ARHGAP17: variants seen among roughly 807,000 people sequenced by gnomAD.
ARHGAP17 encodes Rho GTPase activating protein 17.
ARHGAP17 carries 57 observed loss-of-function variants against 99.5 expected under a neutral mutation model. That is an observed-to-expected ratio of 0.57 (90% confidence interval 0.46 to 0.71). The LOEUF (loss-of-function observed/expected upper bound fraction) is 0.71. ARHGAP17 is among the 30% of genes least tolerant of loss of function. The pLI is 0.00. For synonymous variants in ARHGAP17, 417 were observed against 429.6 expected (o/e 0.97, Z 0.36); for missense variants, 1,000 against 1,122.4 (o/e 0.89, Z 1.56).
At chr16:24,925,586 T>C (rs879728128) in intron 19 of ARHGAP17, among the ~76,000 whole-genome samples, 2 of 152,204 alleles carry the variant, frequency 1.3e-5, no homozygotes, top group Admixed American at 1.3e-4. Flanking sequence ...ATTCTGATTA[T>C]CTACTTATTA....
intron 6 of ARHGAP17, among the ~76,000 whole-genome samples, chr16:24,965,330 C>T (rs761739237): frequency 2.0e-5 from 3 of 152,094 alleles, no homozygotes; most frequent in Non-Finnish European, 4.4e-5. Flanking sequence ...ATTAGCTGGG[C>T]GTGGTGGCAG....
In ARHGAP17 at chr16:24,919,520, G is replaced by A. The variant is rs1701749197; in HGVS notation, c.*610C>T. The A allele has an allele frequency of 6.6e-6, 1 of 151,786 alleles. No homozygotes were observed. The highest frequency in any genetic ancestry group is 1.5e-5 in the Non-Finnish European group (1 of 67,932). The allele number at this position is 151,786 out of a possible 1,614,324, so 9.4% of individuals were successfully genotyped here. A position where few individuals can be genotyped will look rare whatever the true frequency, so the allele number is the denominator to read the frequency against. ...AACAGTACATTTCTGTCTACATTCC[G>A]ACAATCCAACGAGGCGGCATGGGTC... On this transcript the variant is annotated 3_prime_UTR_variant, in exon 20 of 20. Transcript: ENST00000289968.
intron 11 of ARHGAP17, 24 bp downstream of exon 11, chr16:24,952,907 T>G (rs1265085666): frequency 1.2e-6 from 2 of 1,608,236 alleles, no homozygotes; most frequent in Non-Finnish European, 1.7e-6. Flanking sequence ...GTGACTTGAT[T>G]TGCAGACACT....
chr16:24,956,062 T>G (rs1436628101), intron 9 of ARHGAP17: 1 of 152,196 alleles, frequency 6.6e-6, no homozygotes, highest in Non-Finnish European at 1.5e-5. Flanking sequence ...CCTGAAATAC[T>G]TTGTCCCTTT....
chr16:24,983,162 G>A (rs576855957), intron 1 of ARHGAP17, among the ~76,000 whole-genome samples: 8 of 150,920 alleles, frequency 5.3e-5, no homozygotes, highest in Middle Eastern at 3.4e-3. Flanking sequence ...ACACCACCAC[G>A]CTCAGCTAAT....
chr16:24,958,053 G>A (rs1394677293), intron 9 of ARHGAP17, among the ~76,000 whole-genome samples: 2 of 152,176 alleles, frequency 1.3e-5, no homozygotes, highest in African/African-American at 2.4e-5. Flanking sequence ...TCGGTAAAGG[G>A]TGACCTCAGC....
intron 6 of ARHGAP17, among the ~76,000 whole-genome samples, chr16:24,965,843 A>C (rs139907812): frequency 2.5e-4 from 38 of 152,386 alleles, no homozygotes; most frequent in African/African-American, 8.7e-4. Flanking sequence ...GTGCATGTGC[A>C]CAGCATATGA....
intron 10 of ARHGAP17, 25 bp from the exon 11 acceptor site, chr16:24,953,067 C>A: frequency 6.2e-7 from 1 of 1,609,306 alleles, no homozygotes; most frequent in Non-Finnish European, 8.5e-7. Context: ...AAGCCATCAG[C>A]ATCAAGTGCA....
chr16:24,921,458 C>CA (rs2050718582), intron 19 of ARHGAP17, among the ~76,000 whole-genome samples: 12 of 152,146 alleles, frequency 7.9e-5, no homozygotes, highest in Admixed American at 7.9e-4. Context: ...TGCTGTGGTG[C>CA]AAAATGACAT....
intron 1 of ARHGAP17, among the ~76,000 whole-genome samples, chr16:24,988,240 A>G (rs2141412844): frequency 6.6e-6 from 1 of 152,036 alleles, no homozygotes; most frequent in Middle Eastern, 3.4e-3. Flanking sequence ...AAAATAAACG[A>G]CTCTCTGAAA....
intron 19 of ARHGAP17, among the ~76,000 whole-genome samples, chr16:24,929,820 C>T (rs1199272665): frequency 3.3e-5 from 5 of 152,116 alleles, no homozygotes; most frequent in Non-Finnish European, 7.4e-5. Flanking sequence ...ATCAGTTAAC[C>T]GTCACCCTTT....
In ARHGAP17 at chr16:24,929,862, T is replaced by A. The variant is rs79061734; in HGVS notation, c.2515+922A>T. On this transcript the variant is annotated intron_variant, in intron 19 of 19. Transcript: ENST00000289968. ...ATGGAAACCTTGGCACATTTTTAGC[T>A]GCAAAGTCACTCAATATGGTTGGAA... is the stretch of plus-strand genomic sequence containing the variant. Among the ~76,000 whole-genome samples the A allele has an allele frequency of 9.3e-4, 142 of 152,334 alleles. No homozygotes were observed. In the East Asian group the frequency reaches 0.023, roughly 25 times the overall value.
intron 19 of ARHGAP17, among the ~76,000 whole-genome samples, chr16:24,926,798 A>C (rs185749243): frequency 1.6e-4 from 25 of 152,312 alleles, no homozygotes; most frequent in Non-Finnish European, 2.4e-4. Context: ...CCCATGAAAG[A>C]AGTGAGATTC....
At chr16:24,932,436 C>T (rs897216181) in intron 18 of ARHGAP17, among the ~76,000 whole-genome samples, 2 of 152,032 alleles carry the variant, frequency 1.3e-5, no homozygotes, top group African/African-American at 4.8e-5. Context: ...TTAGCAGCCT[C>T]CTCATTAGGG....
Position 24,920,209 on chromosome 16 carries a change from T to C in ARHGAP17, c.2567A>G (p.His856Arg), listed in dbSNP as rs779834439. ...CACGTCTTTGCTGGCTGAGTCTGAGTGCATTTCAGGAAAGATGCTGCGATG... is the reference window on the plus strand; with the variant it reads ...CACGTCTTTGCTGGCTGAGTCTGAGCGCATTTCAGGAAAGATGCTGCGATG... ...EPHRSIFPEM[H>R]SDSASKDVPG... is the part of the protein sequence containing the mutation. Residue 856 changes from histidine (H) to arginine (R), a missense_variant, in exon 20 of 20, where the codon CAC (histidine) becomes CGC (arginine). By Grantham distance (29) the His-to-Arg change is conservative. Transcript: ENST00000289968. The C allele has an allele frequency of 1.2e-6, 2 of 1,614,030 alleles. No individual in the cohort carries two copies. The highest frequency in any genetic ancestry group is 1.7e-6 in the Non-Finnish European group (2 of 1,179,998).
chr16:24,987,253 A>G (rs574447641), intron 1 of ARHGAP17, among the ~76,000 whole-genome samples: 1 of 152,306 alleles, frequency 6.6e-6, no homozygotes, highest in East Asian at 1.9e-4. Flanking sequence ...CTGAAATGTG[A>G]ATTTTGCCTA....
chr16:24,936,620 C>T (rs887078298), intron 17 of ARHGAP17: 2 of 150,422 alleles, frequency 1.3e-5, no homozygotes, highest in Non-Finnish European at 2.9e-5. Flanking sequence ...GTGGGAGAAT[C>T]GCTTGAACCC....
chr16:24,982,976 ATATATATATATATATATATATTTTT>A (rs1272988678), intron 1 of ARHGAP17, among the ~76,000 whole-genome samples: 1 of 20,240 alleles, frequency 4.9e-5, no homozygotes, highest in African/African-American at 1.8e-4. Context: ...ATATATATAT[ATATATATATATATATATATATTTTT>A]TTTTTTTTTT....
At chr16:24,929,950 G>A (rs1223227134) in intron 19 of ARHGAP17, among the ~76,000 whole-genome samples, 1 of 151,574 alleles carries the variant, frequency 6.6e-6, no homozygotes, top group Non-Finnish European at 1.5e-5. Flanking sequence ...ATTTAAACTA[G>A]GCTGCTGTAA....
Sources: gnomAD v4.1 joint callset for allele counts (sites outside exome capture counted in the v4.1 genomes callset) on GRCh38, gnomAD v4.1.1 for gene constraint, MANE v1.5 for transcripts, NCBI Gene and HGNC (gene_info 2026-07-23, HGNC 2026-07-21) for gene names.